Variants in FBN3 observed in about 807,000 individuals in gnomAD.
FBN3 encodes the protein fibrillin 3.
FBN3 carries 234 observed loss-of-function variants against 330.1 expected under a neutral mutation model. The ratio of observed to expected loss-of-function variants is 0.71; its 90% CI spans 0.64 to 0.79. FBN3 has a LOEUF of 0.79. FBN3 is among the 30% of genes least tolerant of loss of function. FBN3 has a pLI of 0.00. For missense variants in FBN3, 3,606 were observed against 3,886.9 expected, an observed-to-expected ratio of 0.93 and a Z score of 1.92; for synonymous variants, 1,458 against 1,517.3, an observed-to-expected ratio of 0.96 and a Z score of 0.91.
intron 63 of FBN3, among the ~76,000 whole-genome samples, chr19:8,066,480 C>T (rs1056031906): frequency 4.4e-4 from 67 of 152,154 alleles, no homozygotes; most frequent in South Asian, 1.0e-3. Flanking sequence ...AGACCAAATA[C>T]GGCATGTTCT....
At chr19:8,079,403 C>T (rs548445241) in intron 59 of FBN3, among the ~76,000 whole-genome samples, 95 of 145,522 alleles carry the variant, frequency 6.5e-4, no homozygotes, top group African/African-American at 1.9e-3. Flanking sequence ...GGTGATGGAG[C>T]AAGACTCCAT....
At chr19:8,142,350 C>T (rs1306999587) in intron 6 of FBN3, among the ~76,000 whole-genome samples, 2 of 152,158 alleles carry the variant, frequency 1.3e-5, no homozygotes, top group Non-Finnish European at 2.9e-5. Flanking sequence ...CATTTCCTGA[C>T]CAACTTCCAA....
In FBN3 at chr19:8,126,153, G is replaced by T. The variant is rs2082976300; in HGVS notation, c.2606-136C>A. ...ACGGGGACTGGGGACTTTCAAGAAG[G>T]CCTGGGGACCAGGTAGGGAGAACGT... On this transcript the variant is annotated intron_variant, in intron 21 of 63. Coordinates refer to ENST00000600128, the MANE Select transcript of FBN3 (RefSeq NM_032447.5). The T allele has an allele frequency of 6.3e-6, 9 of 1,439,006 alleles. No individual in the cohort carries two copies. The East Asian group carries it at 7.1e-5, about 11-fold the overall frequency. 89.1% of individuals were successfully genotyped at this position (1,439,006 alleles called of 1,614,324 possible).
intron 22 of FBN3, among the ~76,000 whole-genome samples, chr19:8,124,368 C>T (rs370508496): frequency 1.3e-5 from 2 of 151,910 alleles, no homozygotes; most frequent in African/African-American, 2.4e-5. Context: ...CTCAGCCTCC[C>T]GAGGAGCTGG....
chr19:8,108,674 G>A (rs1012018153), intron 36 of FBN3, among the ~76,000 whole-genome samples: 1 of 152,000 alleles, frequency 6.6e-6, no homozygotes, highest in African/African-American at 2.4e-5. Flanking sequence ...TGAGGCCTTT[G>A]CACATACTGT....
At chr19:8,080,205 G>C (rs1599278743) in intron 59 of FBN3, among the ~76,000 whole-genome samples, 2 of 152,358 alleles carry the variant, frequency 1.3e-5, no homozygotes, top group South Asian at 4.1e-4. Context: ...CTTTGGTCTA[G>C]AGCACTGCCT....
Position 8,141,784 on chromosome 19 carries a change from C to G in FBN3, c.798G>C (p.Met266Ile), listed in dbSNP as rs146012390. 1.7e-5 allele frequency: 28 copies of G among 1,614,050 alleles called. No individual in the cohort carries two copies. The African/African-American group carries it at 3.3e-4, about 19-fold the overall frequency. ...GLCQGGSCVNMVGSFHCRCPV... is the reference protein window; with the variant it reads ...GLCQGGSCVNIVGSFHCRCPV... ...GACAGCGGCAATGGAAGGAGCCCACCATGTTGACGCAGCTGCCTCCCTGGC... is the reference window on the plus strand; with the variant it reads ...GACAGCGGCAATGGAAGGAGCCCACGATGTTGACGCAGCTGCCTCCCTGGC... The change falls in exon 8 of 64, where the codon ATG becomes ATC. Residue 266 changes from methionine to isoleucine, a missense_variant. Coordinates refer to ENST00000600128, the MANE Select transcript of FBN3 (RefSeq NM_032447.5).
Position 8,115,595 on chromosome 19 carries a change from TC to T in FBN3, c.3757del (p.Asp1253ThrfsTer201). The T allele has an allele frequency of 6.2e-7, 1 of 1,613,952 alleles. No individual in the cohort carries two copies. The highest frequency in any genetic ancestry group is 8.5e-7 in the Non-Finnish European group (1 of 1,179,982). Reference protein sequence around the residue: ...DLNPHICLHGDCENTKGSFVC... With the variant: ...DLNPHICLHGXCENTKGSFVC... Reference sequence around the variant, plus strand: ...AAAGGAACCCTTCGTGTTCTCGCAGTCCCCATGGAGGCAGATGTGAGGGTTC... The same window carrying T: ...AAAGGAACCCTTCGTGTTCTCGCAGTCCCATGGAGGCAGATGTGAGGGTTC... On this transcript the variant is annotated frameshift_variant, in exon 30 of 64. Transcript: ENST00000600128. LOFTEE classifies it high-confidence loss of function.
intron 47 of FBN3, among the ~76,000 whole-genome samples, chr19:8,092,672 G>A (rs574706861): frequency 7.4e-6 from 1 of 135,644 alleles, no homozygotes; most frequent in East Asian, 2.3e-4. Flanking sequence ...CTGAGACTGT[G>A]CCACTCCAGT....
At chr19:8,114,175 G>A (rs1255116228) in intron 30 of FBN3, among the ~76,000 whole-genome samples, 3 of 152,138 alleles carry the variant, frequency 2.0e-5, no homozygotes, top group African/African-American at 4.8e-5. Flanking sequence ...TACTAACCCT[G>A]TAGACACCTT....
intron 54 of FBN3, 42 bp downstream of exon 54, chr19:8,087,035 A>G (rs2081978382): frequency 1.3e-6 from 2 of 1,585,232 alleles, no homozygotes; most frequent in Admixed American, 1.8e-5. Flanking sequence ...TCTCCCTTCC[A>G]CAAGGAGTTT....
At chr19:8,128,939 T>C in intron 18 of FBN3, 89 bp downstream of exon 18, 1 of 1,465,120 alleles carries the variant, frequency 6.8e-7, no homozygotes, top group Non-Finnish European at 9.2e-7. Context: ...TCTTTGAGCG[T>C]GTGCATGCCT....
intron 47 of FBN3, among the ~76,000 whole-genome samples, chr19:8,092,745 ATGTCCTT>A (rs2082124860): frequency 6.7e-6 from 1 of 149,498 alleles, no homozygotes. Flanking sequence ...GAACAAAATA[ATGTCCTT>A]TGCAGCAACT....
At chr19:8,128,894 A>G in intron 18 of FBN3, 134 bp downstream of exon 18, 1 of 1,031,698 alleles carries the variant, frequency 9.7e-7, no homozygotes. Context: ...CACTACATAT[A>G]GCATGCGTGT....
At position 8,086,202 on chromosome 19, in the gene FBN3, T is replaced by C; in HGVS notation, c.6878A>G (p.His2293Arg). 6.3e-7 allele frequency: 1 copy of C among 1,577,242 alleles called. No homozygotes were observed. Among genetic ancestry groups the C allele is most frequent in the Non-Finnish European group, 8.7e-7 (1 of 1,155,834 alleles). ...TGTGCGTGTCCAGCCACACTCACCG[T>C]GGCACTCGGTAAGGGTGGGGCTGGG... The part of the protein sequence containing the change: ...FQPSPTLTEC[H>R]DIRQGPCFAE... The change falls in exon 55 of 64, where the codon CAC (histidine) becomes CGC (arginine). Residue 2293 changes from histidine to arginine, a missense_variant and splice_region_variant. Coordinates refer to ENST00000600128, the MANE Select transcript of FBN3 (RefSeq NM_032447.5).
In FBN3 at chr19:8,118,998, G is replaced by A. The variant is rs370282626; in HGVS notation, c.3236C>T (p.Pro1079Leu). The A allele has an allele frequency of 3.3e-5, 53 of 1,608,454 alleles. No individual in the cohort carries two copies. Among genetic ancestry groups the A allele is most frequent in the Middle Eastern group, 1.6e-4 (1 of 6,066 alleles). Residue 1079 changes from proline to leucine, a missense_variant, in exon 26 of 64, where the codon CCG (proline) becomes CTG (leucine). By Grantham distance (98) the Pro-to-Leu change is moderately conservative. Coordinates refer to ENST00000600128, the MANE Select transcript of FBN3 (RefSeq NM_032447.5). The stretch of plus-strand genomic sequence containing the variant: ...GCAAGTGCCTCCCCGGCAGAGCAGC[G>A]GGTCCCTTGCACACTCGTCCACGTC... ...CMDVDECARD[P>L]LLCRGGTCTN... is the part of the protein sequence containing the mutation.
chr19:8,135,936 G>GGGGGGGGGGGGGGGCGCCCC, intron 13 of FBN3, 25 bp downstream of exon 13: 1 of 668,774 alleles, frequency 1.5e-6, no homozygotes. Context: ...GGAAGCCCCT[G>GGGGGGGGGGGGGGGCGCCCC]CCCACCCGCC....
chr19:8,087,211 T>A lies in FBN3; in HGVS notation c.6620A>T (p.Asp2207Val). Residue 2207 changes from aspartate (D) to valine (V), a missense_variant and splice_region_variant, in exon 54 of 64, where the codon GAT becomes GTT. Asp to Val is a radical substitution (Grantham distance 152). Coordinates refer to ENST00000600128, the MANE Select transcript of FBN3 (RefSeq NM_032447.5). The part of the protein sequence containing the change: ...TLREDGAMCR[D>V]VDECADGQQD... ...CTGACCATCTGCACACTCGTCCACA[T>A]CTTCGGATGACCAGAGACAGATGGT... is the stretch of plus-strand genomic sequence containing the variant. 1.9e-6 allele frequency: 3 copies of A among 1,587,154 alleles called. No homozygotes were observed. The highest frequency in any genetic ancestry group is 1.7e-6 in the Non-Finnish European group (2 of 1,168,692).
rs577882098 is a variant in FBN3 at position 8,112,165 on chromosome 19, C to A, written c.3839-66G>T. 2.2e-4 allele frequency: 340 copies of A among 1,552,776 alleles called. 4 individuals carry two copies. In the South Asian group the frequency reaches 3.8e-3, roughly 17 times the overall value. ...AAGGAAAGACTCGATGCAATAGCAG[C>A]GGAAAGGGCAGGGACTCTTCCTCTC... On this transcript the variant is annotated intron_variant, in intron 30 of 63. Coordinates refer to ENST00000600128, the MANE Select transcript of FBN3 (RefSeq NM_032447.5).
Sources: allele counts gnomAD v4.1 joint callset (sites outside exome capture counted in the v4.1 genomes callset), GRCh38; gene constraint gnomAD v4.1.1; transcripts MANE v1.5; gene names NCBI Gene and HGNC (gene_info 2026-07-23, HGNC 2026-07-21).